HS3ST4: variants seen among roughly 807,000 people sequenced by gnomAD.
HS3ST4 encodes heparan sulfate-glucosamine 3-sulfotransferase 4.
In HS3ST4, 17 loss-of-function variants were observed where a neutral mutation model predicts 29.2. That is an observed-to-expected ratio of 0.58 (90% CI 0.40 to 0.87). The LOEUF is 0.87. HS3ST4 is among the 40% of genes least tolerant of loss of function. The pLI is 0.00. For missense variants in HS3ST4, 627 were observed against 634.5 expected (o/e 0.99, Z 0.13); for synonymous variants, 314 against 285.7 (o/e 1.10, Z -1.00).
chr16:25,932,478 T>A (rs1968474030), intron 1 of HS3ST4, among the ~76,000 whole-genome samples: 1 of 152,200 alleles, frequency 6.6e-6, no homozygotes, highest in South Asian at 2.1e-4. Context: ...AACTGCCATT[T>A]TTTTTGCCCC....
chr16:25,807,353 A>G (rs1016993987), intron 1 of HS3ST4, among the ~76,000 whole-genome samples: 11 of 152,124 alleles, frequency 7.2e-5, no homozygotes, highest in African/African-American at 2.7e-4. Flanking sequence ...CTATGAATCT[A>G]TTTTCAATTT....
chr16:25,828,238 CTTTCTCTTTCTTTCTT>C, intron 1 of HS3ST4, among the ~76,000 whole-genome samples: 2 of 86,982 alleles, frequency 2.3e-5, no homozygotes, highest in South Asian at 4.0e-4. Context: ...TTCTTTCTTT[CTTTCTCTTTCTTTCTT>C]TCTTTCTTTC....
intron 1 of HS3ST4, among the ~76,000 whole-genome samples, chr16:26,087,289 C>T (rs999614312): frequency 6.6e-6 from 1 of 152,202 alleles, no homozygotes; most frequent in African/African-American, 2.4e-5. Context: ...AATAGGATTT[C>T]AATCATCTGG....
chr16:25,962,242 T>A (rs1382723444), intron 1 of HS3ST4, among the ~76,000 whole-genome samples: 1 of 152,008 alleles, frequency 6.6e-6, no homozygotes, highest in South Asian at 2.1e-4. Context: ...GCTGTAGGGG[T>A]CACTTTAACT....
chr16:25,941,658 G>A (rs185329130), intron 1 of HS3ST4, among the ~76,000 whole-genome samples: 1 of 151,828 alleles, frequency 6.6e-6, no homozygotes, highest in East Asian at 1.9e-4. Context: ...CTCACTGCAA[G>A]CTCTGCCTCC....
At chr16:25,904,086 G>T (rs140055518) in intron 1 of HS3ST4, among the ~76,000 whole-genome samples, 1 of 152,046 alleles carries the variant, frequency 6.6e-6, no homozygotes, top group African/African-American at 2.4e-5. Context: ...ATGGATGGAT[G>T]CATGGATGAA....
intron 1 of HS3ST4, among the ~76,000 whole-genome samples, chr16:25,776,406 C>A (rs1400549735): frequency 1.3e-5 from 2 of 152,138 alleles, no homozygotes; most frequent in African/African-American, 4.8e-5. Flanking sequence ...AGAATGCAAC[C>A]ATTTGTCTCT....
rs114184090 is a variant in HS3ST4, at chr16:25,923,610, C to T, written c.735-212002C>T. Among the ~76,000 whole-genome samples the T allele has an allele frequency of 9.7e-3, 1,474 of 151,856 alleles. 28 individuals carry two copies. Among genetic ancestry groups the T allele is most frequent in the African/African-American group, 0.033 (1,363 of 41,456 alleles). On this transcript the variant is annotated intron_variant, in intron 1 of 1. Coordinates refer to ENST00000331351, the MANE Select transcript of HS3ST4 (RefSeq NM_006040.3). ...CAACTTCTGGCTCTACATTTTTCCT[C>T]CAAATTAAAATATATGTGTGTGTGT...
intron 1 of HS3ST4, among the ~76,000 whole-genome samples, chr16:26,006,938 C>T (rs1010717112): frequency 1.3e-5 from 2 of 152,202 alleles, no homozygotes; most frequent in African/African-American, 4.8e-5. Flanking sequence ...GTTAGCTTGG[C>T]CCAAGCCCAG....
chr16:25,703,372 C>T (rs1966350195), intron 1 of HS3ST4, among the ~76,000 whole-genome samples: 1 of 152,138 alleles, frequency 6.6e-6, no homozygotes, highest in African/African-American at 2.4e-5. Context: ...GTGTGCCAGG[C>T]TTGGCTCCGA....
intron 1 of HS3ST4, among the ~76,000 whole-genome samples, chr16:25,789,412 T>C (rs1290942875): frequency 2.2e-5 from 1 of 45,558 alleles, no homozygotes; most frequent in East Asian, 5.3e-4. Context: ...TTTTCCTTCC[T>C]TCCTTCCTTC....
chr16:25,807,070 A>G (rs1266740935), intron 1 of HS3ST4, among the ~76,000 whole-genome samples: 1 of 152,116 alleles, frequency 6.6e-6, no homozygotes, highest in Non-Finnish European at 1.5e-5. Flanking sequence ...CTTCCCAGGT[A>G]CAAGCAATTC....
At chr16:25,726,240 A>G (rs541901546) in intron 1 of HS3ST4, among the ~76,000 whole-genome samples, 11 of 152,354 alleles carry the variant, frequency 7.2e-5, no homozygotes, top group African/African-American at 2.4e-4. Context: ...ACAGTTGAAC[A>G]TGTAAATTGC....
intron 1 of HS3ST4, among the ~76,000 whole-genome samples, chr16:25,842,020 C>T (rs540403743): frequency 1.3e-5 from 2 of 152,216 alleles, no homozygotes; most frequent in Admixed American, 6.5e-5. Context: ...GAGCCCAGCC[C>T]TACCACTACA....
At chr16:26,016,249 T>C (rs1475374701) in intron 1 of HS3ST4, among the ~76,000 whole-genome samples, 1 of 152,190 alleles carries the variant, frequency 6.6e-6, no homozygotes, top group Non-Finnish European at 1.5e-5. Flanking sequence ...TGCTTATAAA[T>C]GTGGTTGTCA....
At position 26,016,707 on chromosome 16, in the gene HS3ST4, A is replaced by C. The variant is rs186569477; in HGVS notation, c.735-118905A>C. On this transcript the variant is annotated intron_variant, in intron 1 of 1. Coordinates refer to ENST00000331351, the MANE Select transcript of HS3ST4 (RefSeq NM_006040.3). ...ATATAGCAAGTCTCCTTATGCAAAT[A>C]ATTTTTCTCAGGGAGTATATACTCT... is the stretch of plus-strand genomic sequence containing the variant. Among the ~76,000 whole-genome samples the C allele has an allele frequency of 3.2e-3, 484 of 152,320 alleles. 4 individuals are homozygous for C. The highest frequency in any genetic ancestry group is 0.011 in the African/African-American group (451 of 41,572).
intron 1 of HS3ST4, among the ~76,000 whole-genome samples, chr16:25,935,383 T>C (rs1221201404): frequency 6.6e-6 from 1 of 152,192 alleles, no homozygotes; most frequent in African/African-American, 2.4e-5. Flanking sequence ...TTGTATAGGT[T>C]CAGACAAATG....
chr16:25,898,693 CCAAA>C (rs1204962445), intron 1 of HS3ST4, among the ~76,000 whole-genome samples: 3 of 152,168 alleles, frequency 2.0e-5, no homozygotes, highest in East Asian at 3.9e-4. Flanking sequence ...CAGAACAAAA[CCAAA>C]CAGTGTTATT....
intron 1 of HS3ST4, among the ~76,000 whole-genome samples, chr16:25,728,652 G>C (rs1220120913): frequency 6.6e-6 from 1 of 152,110 alleles, no homozygotes; most frequent in African/African-American, 2.4e-5. Context: ...GCAACCAACA[G>C]CGCCCTCAGT....
Sources: gnomAD v4.1 joint callset for allele counts (sites outside exome capture counted in the v4.1 genomes callset) on GRCh38, gnomAD v4.1.1 for gene constraint, MANE v1.5 for transcripts, NCBI Gene and HGNC (gene_info 2026-07-23, HGNC 2026-07-21) for gene names.